The following MYO1D variants were observed in gnomAD, a reference collection of about 807,000 sequenced individuals.
MYO1D encodes the protein unconventional myosin-Id.
MYO1D carries 83 observed loss-of-function variants against 122.0 expected under a neutral mutation model. The observed-to-expected ratio is 0.68, with a 90% CI of 0.57 to 0.82. MYO1D has a LOEUF of 0.82. MYO1D is among the 40% of genes least tolerant of loss of function. The probability of loss-of-function intolerance (pLI) is 0.00; values close to 1 mark genes in which losing one functional copy is unlikely to be tolerated. For missense variants in MYO1D, 1,157 were observed against 1,269.5 expected (o/e 0.91, Z 1.35); for synonymous variants, 464 against 446.9 (o/e 1.04, Z -0.48).
intron 20 of MYO1D, chr17:32,627,946 A>G (rs1464397754): frequency 6.6e-6 from 1 of 152,188 alleles, no homozygotes; most frequent in Non-Finnish European, 1.5e-5. Context: ...TAGTGGCAGA[A>G]GTGCATTTAT....
intron 21 of MYO1D, chr17:32,510,337 A>G (rs1277089609): frequency 1.3e-5 from 2 of 152,218 alleles, no homozygotes; most frequent in African/African-American, 4.8e-5. Flanking sequence ...GGACATTCTG[A>G]CCCAGCCCCT....
At chr17:32,513,833 C>CTTT (rs543363715) in intron 21 of MYO1D, among the ~76,000 whole-genome samples, 2 of 142,522 alleles carry the variant, frequency 1.4e-5, no homozygotes, top group South Asian at 4.5e-4. Flanking sequence ...TTCTTTCTTT[C>CTTT]TTTTTTTTTT....
intron 21 of MYO1D, among the ~76,000 whole-genome samples, chr17:32,525,223 C>T (rs1308491473): frequency 3.9e-5 from 6 of 152,332 alleles, no homozygotes; most frequent in Non-Finnish European, 1.5e-5. Flanking sequence ...ACTGCTCCAA[C>T]GGTTTCAAGA....
At chr17:32,801,096 G>A (rs12948860) in intron 1 of MYO1D, among the ~76,000 whole-genome samples, 24,540 of 152,056 alleles carry the variant, frequency 0.16, 2,245 homozygotes, top group Non-Finnish European at 0.22. Flanking sequence ...GCAGTAAGCA[G>A]TTTCTCTAAG....
intron 21 of MYO1D, among the ~76,000 whole-genome samples, chr17:32,551,556 C>CCACACA (rs56031542): frequency 8.5e-4 from 128 of 150,456 alleles, no homozygotes; most frequent in African/African-American, 2.8e-3. Context: ...CATCCCACTG[C>CCACACA]CACACACACA....
chr17:32,655,740 G>A (rs192276402), intron 17 of MYO1D, among the ~76,000 whole-genome samples: 85 of 152,274 alleles, frequency 5.6e-4, no homozygotes, highest in Non-Finnish European at 1.0e-3. Flanking sequence ...AGAAGCCATC[G>A]GAAGGTTTGG....
intron 21 of MYO1D, among the ~76,000 whole-genome samples, chr17:32,559,463 GT>G (rs1414730547): frequency 2.0e-5 from 3 of 152,208 alleles, no homozygotes; most frequent in African/African-American, 7.2e-5. Context: ...CCAATCACAG[GT>G]GTTCAGCTGT....
At chr17:32,613,888 A>C (rs2087737453) in intron 20 of MYO1D, among the ~76,000 whole-genome samples, 1 of 150,462 alleles carries the variant, frequency 6.6e-6, no homozygotes, top group Non-Finnish European at 1.5e-5. Flanking sequence ...TTGTCCAACC[A>C]GAATGATCTC....
At chr17:32,846,038 T>TA (rs763605828) in intron 1 of MYO1D, among the ~76,000 whole-genome samples, 1 of 152,118 alleles carries the variant, frequency 6.6e-6, no homozygotes, top group Non-Finnish European at 1.5e-5. Context: ...TGAAGGGTGA[T>TA]AGAGTGAACT....
chr17:32,691,407 T>C (rs1215727183), intron 16 of MYO1D, among the ~76,000 whole-genome samples: 1 of 135,550 alleles, frequency 7.4e-6, no homozygotes, highest in Non-Finnish European at 1.5e-5. Context: ...GAAAATTCTT[T>C]TTTTTTTTTT....
intron 21 of MYO1D, among the ~76,000 whole-genome samples, chr17:32,578,157 C>T (rs2087296511): frequency 6.6e-6 from 1 of 152,198 alleles, no homozygotes; most frequent in Non-Finnish European, 1.5e-5. Context: ...AGCTTTGAAA[C>T]CTCATATACA....
rs144708002 is a variant in MYO1D at position 32,494,952 on chromosome 17, G to C, written c.2865-37C>G. The C allele has an allele frequency of 3.9e-5, 61 of 1,562,578 alleles. No individual in the cohort carries two copies. The African/African-American group carries it at 7.3e-4, about 19-fold the overall frequency. On this transcript the variant is annotated intron_variant, in intron 21 of 21. Coordinates refer to ENST00000318217, the MANE Select transcript of MYO1D (RefSeq NM_015194.3). ...AAAAACACCAGACGGGCAGTTAGCA[G>C]GCAGCATGAGAACAGGGCACCTGCC...
At chr17:32,541,132 C>G (rs569700318) in intron 21 of MYO1D, among the ~76,000 whole-genome samples, 4 of 152,218 alleles carry the variant, frequency 2.6e-5, no homozygotes, top group Admixed American at 6.5e-5. Context: ...CTTATATCCA[C>G]AAGTTCAAAG....
At chr17:32,573,713 CAG>C (rs1454130855) in intron 21 of MYO1D, among the ~76,000 whole-genome samples, 2 of 152,020 alleles carry the variant, frequency 1.3e-5, no homozygotes, top group Non-Finnish European at 2.9e-5. Flanking sequence ...TTTTTAGAGA[CAG>C]GGCCTTCTTA....
intron 11 of MYO1D, among the ~76,000 whole-genome samples, chr17:32,751,133 AAAT>A (rs941926829): frequency 8.6e-5 from 13 of 151,886 alleles, no homozygotes; most frequent in Admixed American, 2.0e-4. Context: ...TTAATAATTT[AAAT>A]AATAATTTTA....
intron 3 of MYO1D, among the ~76,000 whole-genome samples, chr17:32,777,105 G>A (rs73281881): frequency 0.037 from 5,637 of 152,108 alleles, 337 homozygotes; most frequent in African/African-American, 0.13. Flanking sequence ...TTGTAGGTGT[G>A]AAATTAATTT....
At chr17:32,789,645 T>G (rs2090330971) in intron 1 of MYO1D, among the ~76,000 whole-genome samples, 2 of 152,110 alleles carry the variant, frequency 1.3e-5, no homozygotes, top group South Asian at 4.2e-4. Context: ...GAAATCAAGT[T>G]AGGAGGAGGT....
At chr17:32,524,933 G>A (rs1910294382) in intron 21 of MYO1D, among the ~76,000 whole-genome samples, 1 of 152,132 alleles carries the variant, frequency 6.6e-6, no homozygotes, top group Admixed American at 6.5e-5. Flanking sequence ...AAACTCCTGG[G>A]CTCAAGCAGT....
At chr17:32,704,619 C>A (rs73981776) in intron 16 of MYO1D, among the ~76,000 whole-genome samples, 1 of 152,292 alleles carries the variant, frequency 6.6e-6, no homozygotes, top group African/African-American at 2.4e-5. Flanking sequence ...AGTAGCAGCA[C>A]TAGTAGTAAT....
Sources: allele counts gnomAD v4.1 joint callset (sites outside exome capture counted in the v4.1 genomes callset), GRCh38; gene constraint gnomAD v4.1.1; transcripts MANE v1.5; gene names NCBI Gene and HGNC (gene_info 2026-07-23, HGNC 2026-07-21).